Variants in TAS2R1 observed in about 807,000 individuals in gnomAD.
TAS2R1 encodes the protein taste receptor type 2 member 1.
For missense variants in TAS2R1, 370 were observed against 353.4 expected (o/e 1.05, Z -0.38); for synonymous variants, 141 against 134.2 (o/e 1.05, Z -0.35).
intron 1 of TAS2R1, among the ~76,000 whole-genome samples, chr5:9,710,042 G>A (rs908506413): frequency 1.3e-5 from 2 of 152,220 alleles, no homozygotes; most frequent in Non-Finnish European, 2.9e-5. Flanking sequence ...TTGAACTGAT[G>A]TTTCAAAATT....
chr5:9,751,090 T>G, the TAS2R1 span, among the ~76,000 whole-genome samples: 1 of 151,218 alleles, frequency 6.6e-6, no homozygotes, highest in Non-Finnish European at 1.5e-5. Context: ...GCCACATCTT[T>G]TAGTCTGGTT....
the TAS2R1 span, among the ~76,000 whole-genome samples, chr5:9,718,834 A>T: frequency 1.3e-5 from 2 of 152,182 alleles, no homozygotes; most frequent in East Asian, 3.9e-4. Context: ...CAAGCATAAA[A>T]TAGGGAGCAT....
chr5:9,762,185 G>A, the TAS2R1 span, among the ~76,000 whole-genome samples: 2 of 152,290 alleles, frequency 1.3e-5, no homozygotes, highest in Admixed American at 6.5e-5. Context: ...GGAGATGGAA[G>A]CCGCTAAGGG....
At chr5:9,706,931 G>T (rs935744941) in intron 1 of TAS2R1, among the ~76,000 whole-genome samples, 4 of 152,130 alleles carry the variant, frequency 2.6e-5, no homozygotes, top group African/African-American at 4.8e-5. Flanking sequence ...AAATGATGCG[G>T]TTTTTTTAAA....
chr5:9,793,442 A>T, the TAS2R1 span, among the ~76,000 whole-genome samples: 1 of 152,218 alleles, frequency 6.6e-6, no homozygotes, highest in Admixed American at 6.5e-5. Flanking sequence ...ATCACTATAG[A>T]GGAAACCAAA....
chr5:9,697,788 C>T (rs546410160), intron 1 of TAS2R1, among the ~76,000 whole-genome samples: 1 of 151,946 alleles, frequency 6.6e-6, no homozygotes, highest in African/African-American at 2.4e-5. Flanking sequence ...AGCTATTATG[C>T]TTAATTTTAA....
the TAS2R1 span, among the ~76,000 whole-genome samples, chr5:9,803,930 A>C: frequency 3.2e-4 from 48 of 152,324 alleles, 1 homozygote; most frequent in East Asian, 9.3e-3. Context: ...TGCTCCACTT[A>C]AAAGACCACA....
Position 9,655,134 on chromosome 5 carries a change from T to G in TAS2R1, c.-81+4287A>C, listed in dbSNP as rs112248175. 9.8e-3 allele frequency among the ~76,000 whole-genome samples: 1,491 copies of G among 152,256 alleles called. 28 individuals carry two copies. The highest frequency in any genetic ancestry group is 0.033 in the African/African-American group (1,382 of 41,554). On this transcript the variant is annotated intron_variant, in intron 2 of 2. Transcript: ENST00000506620. ...GGTGATAGAAATCAGAAGAGGAATG[T>G]CCTGAGGCCTGCAGGGTTTATGGGA... is the stretch of plus-strand genomic sequence containing the variant.
At chr5:9,634,838 C>G (rs955475582), upstream of TAS2R1, among the ~76,000 whole-genome samples, 2 of 151,884 alleles carry the variant, frequency 1.3e-5, no homozygotes, top group African/African-American at 4.8e-5. Context: ...GATCTAGGAG[C>G]TTTTTTGATA....
At chr5:9,635,259 T>C (rs1326328349), upstream of TAS2R1, among the ~76,000 whole-genome samples, 2 of 152,114 alleles carry the variant, frequency 1.3e-5, no homozygotes, top group Non-Finnish European at 2.9e-5. Context: ...TATTGACTTG[T>C]ATATGTTAAA....
At chr5:9,744,293 T>C in the TAS2R1 span, among the ~76,000 whole-genome samples, 1 of 152,242 alleles carries the variant, frequency 6.6e-6, no homozygotes, top group Non-Finnish European at 1.5e-5. Context: ...ACTCCCGTTT[T>C]TAGTGTCTAA....
intron 1 of TAS2R1, among the ~76,000 whole-genome samples, chr5:9,675,419 C>CTTTTTTT (rs35909213): frequency 4.4e-5 from 6 of 135,788 alleles, no homozygotes; most frequent in Non-Finnish European, 8.0e-5. Flanking sequence ...TTTTCTTTTT[C>CTTTTTTT]TTTTTTTTTT....
At chr5:9,760,779 A>C in the TAS2R1 span, 5 of 152,398 alleles carry the variant, frequency 3.3e-5, no homozygotes, top group African/African-American at 1.2e-4. Flanking sequence ...TAAGATCAGG[A>C]AAAAAGTAAG....
chr5:9,802,303 G>A, the TAS2R1 span, among the ~76,000 whole-genome samples: 9 of 152,198 alleles, frequency 5.9e-5, no homozygotes, highest in East Asian at 9.7e-4. Context: ...GCTCCTCTGC[G>A]TGGCTAGACC....
chr5:9,849,510 A>C, the TAS2R1 span, among the ~76,000 whole-genome samples: 1 of 152,214 alleles, frequency 6.6e-6, no homozygotes, highest in East Asian at 1.9e-4. Context: ...CTGTGATACA[A>C]CTAGACCACC....
At chr5:9,868,671 A>G in the TAS2R1 span, among the ~76,000 whole-genome samples, 1 of 152,130 alleles carries the variant, frequency 6.6e-6, no homozygotes, top group Non-Finnish European at 1.5e-5. Flanking sequence ...TATTTATGCA[A>G]ATTTTTGCAG....
chr5:9,757,394 A>G, the TAS2R1 span, among the ~76,000 whole-genome samples: 1 of 152,168 alleles, frequency 6.6e-6, no homozygotes, highest in Non-Finnish European at 1.5e-5. Flanking sequence ...CATCAAGGTG[A>G]ATATTTCCTA....
At chr5:9,738,807 C>A in the TAS2R1 span, among the ~76,000 whole-genome samples, 1 of 152,082 alleles carries the variant, frequency 6.6e-6, no homozygotes, top group Non-Finnish European at 1.5e-5. Flanking sequence ...AGCATCAGTG[C>A]AGATGAGTCT....
At chr5:9,736,290 C>A in the TAS2R1 span, among the ~76,000 whole-genome samples, 1 of 152,200 alleles carries the variant, frequency 6.6e-6, no homozygotes, top group Non-Finnish European at 1.5e-5. Flanking sequence ...CCGCAGAAAG[C>A]TAGCACTGCA....
Sources: allele counts gnomAD v4.1 joint callset (sites outside exome capture counted in the v4.1 genomes callset), GRCh38; gene constraint gnomAD v4.1.1; transcripts MANE v1.5; gene names NCBI Gene and HGNC (gene_info 2026-07-23, HGNC 2026-07-21).